The following SLC38A1 variants were observed in gnomAD, a reference collection of about 807,000 sequenced individuals.
SLC38A1 encodes sodium-coupled neutral amino acid symporter 1.
SLC38A1 carries 18 observed loss-of-function variants against 60.3 expected under a neutral mutation model. That is an observed-to-expected ratio of 0.30 (90% CI 0.21 to 0.44). The LOEUF is 0.44. SLC38A1 is among the 20% of genes least tolerant of loss of function. The pLI, the probability that SLC38A1 is intolerant of heterozygous loss-of-function variation, is 1.00. For missense variants in SLC38A1, 448 were observed against 587.2 expected, an observed-to-expected ratio of 0.76 and a Z score of 2.45; for synonymous variants, 196 against 212.1, an observed-to-expected ratio of 0.92 and a Z score of 0.66.
In SLC38A1 at chr12:46,204,352, A is replaced by G. The variant is rs1939795751; in HGVS notation, c.771T>C (p.Asn257=). The change falls in exon 11 of 17, where the codon AAT becomes AAC. Residue 257 remains asparagine, a synonymous_variant. Coordinates refer to ENST00000398637, the MANE Select transcript of SLC38A1 (RefSeq NM_030674.4). ...VPELNSTISA[N]STNADTCTPK... is the part of the protein sequence containing the mutation. ...GCGTACACGTGTCAGCATTTGTTGA[A>G]TTAGCACTTATTGTTGAATTTAGCT... The G allele has an allele frequency of 6.2e-7, 1 of 1,613,690 alleles. No individual in the cohort carries two copies. Among genetic ancestry groups the G allele is most frequent in the Admixed American group, 1.7e-5 (1 of 60,002 alleles).
chr12:46,210,686 T>C (rs1453396299), intron 5 of SLC38A1, among the ~76,000 whole-genome samples: 1 of 152,140 alleles, frequency 6.6e-6, no homozygotes. Flanking sequence ...ATAAGTCTCA[T>C]AAGATCTGAT....
intron 5 of SLC38A1, among the ~76,000 whole-genome samples, chr12:46,227,872 G>A (rs892174163): frequency 6.6e-5 from 10 of 152,074 alleles, no homozygotes; most frequent in African/African-American, 2.4e-4. Context: ...TGGGAGTAGC[G>A]CTCAGGTGTC....
intron 3 of SLC38A1, among the ~76,000 whole-genome samples, chr12:46,233,919 T>A (rs899403351): frequency 2.2e-4 from 33 of 152,216 alleles, no homozygotes; most frequent in African/African-American, 8.0e-4. Context: ...TTTGCCTCAA[T>A]GTTCCAATCT....
At chr12:46,213,141 T>C (rs951684771) in intron 5 of SLC38A1, among the ~76,000 whole-genome samples, 2 of 152,206 alleles carry the variant, frequency 1.3e-5, no homozygotes, top group Admixed American at 1.3e-4. Context: ...TGCTATAACA[T>C]CAGATTTGGT....
At chr12:46,265,910 T>C (rs1942335508) in intron 1 of SLC38A1, among the ~76,000 whole-genome samples, 1 of 152,034 alleles carries the variant, frequency 6.6e-6, no homozygotes, top group Non-Finnish European at 1.5e-5. Flanking sequence ...TCTCCAAGTC[T>C]AGGTAAGGTG....
At chr12:46,254,483 T>C (rs1941958483) in intron 1 of SLC38A1, among the ~76,000 whole-genome samples, 1 of 152,250 alleles carries the variant, frequency 6.6e-6, no homozygotes, top group African/African-American at 2.4e-5. Context: ...CCTTTTGTAA[T>C]TTCGCTTTGA....
chr12:46,249,575 T>C (rs964195446), intron 1 of SLC38A1, among the ~76,000 whole-genome samples: 1 of 152,028 alleles, frequency 6.6e-6, no homozygotes, highest in African/African-American at 2.4e-5. Flanking sequence ...ATCATCACAA[T>C]TGATAGACCA....
At chr12:46,189,209 C>G (rs1310444493) in intron 16 of SLC38A1, 138 bp from the exon 17 acceptor site, 2 of 592,224 alleles carry the variant, frequency 3.4e-6, no homozygotes, top group Non-Finnish European at 6.0e-6. Flanking sequence ...CATGGCTGAA[C>G]TGTGAGAATC....
intron 1 of SLC38A1, among the ~76,000 whole-genome samples, chr12:46,256,058 T>C (rs1942009808): frequency 6.7e-6 from 1 of 150,194 alleles, no homozygotes; most frequent in Admixed American, 6.7e-5. Flanking sequence ...TCCAGCTACT[T>C]GGGAGGCTGA....
chr12:46,223,300 A>G (rs1373538909), intron 5 of SLC38A1, among the ~76,000 whole-genome samples: 1 of 152,192 alleles, frequency 6.6e-6, no homozygotes, highest in African/African-American at 2.4e-5. Context: ...GGGGATTAAG[A>G]TAGTGTAGCA....
At chr12:46,229,084 C>G in intron 5 of SLC38A1, 69 bp downstream of exon 5, 1 of 811,762 alleles carries the variant, frequency 1.2e-6, no homozygotes, top group Non-Finnish European at 2.0e-6. Flanking sequence ...CACATTTCTT[C>G]TATGTAATAA....
At chr12:46,219,918 G>A (rs1283370553) in intron 5 of SLC38A1, among the ~76,000 whole-genome samples, 2 of 152,246 alleles carry the variant, frequency 1.3e-5, no homozygotes, top group Admixed American at 6.5e-5. Context: ...AGGACTGAGT[G>A]AACTCAGGGT....
intron 10 of SLC38A1, 39 bp from the exon 11 acceptor site, chr12:46,204,456 A>G: frequency 1.3e-6 from 2 of 1,591,670 alleles, no homozygotes; most frequent in Non-Finnish European, 1.7e-6. Context: ...TATGGACTTT[A>G]GTAAAGCCAA....
intron 1 of SLC38A1, among the ~76,000 whole-genome samples, chr12:46,255,222 C>A (rs1030010333): frequency 3.3e-5 from 5 of 152,186 alleles, no homozygotes; most frequent in African/African-American, 7.2e-5. Flanking sequence ...ATAACAAAAT[C>A]TTTTAGGACA....
chr12:46,216,032 T>C (rs932869109), intron 5 of SLC38A1, among the ~76,000 whole-genome samples: 1 of 152,078 alleles, frequency 6.6e-6, no homozygotes, highest in Non-Finnish European at 1.5e-5. Context: ...AATGCATCGG[T>C]TCTGGGCTAG....
intron 1 of SLC38A1, among the ~76,000 whole-genome samples, chr12:46,253,903 C>T (rs181766308): frequency 2.6e-4 from 39 of 152,184 alleles, no homozygotes; most frequent in African/African-American, 6.7e-4. Flanking sequence ...GGTAGAGACG[C>T]GCTCAGTCAG....
chr12:46,239,498 T>C, intron 3 of SLC38A1, 181 bp downstream of exon 3: 1 of 516,660 alleles, frequency 1.9e-6, no homozygotes, highest in Non-Finnish European at 3.4e-6. Flanking sequence ...TAATTTTTTG[T>C]ATTTTTAGTA....
intron 5 of SLC38A1, among the ~76,000 whole-genome samples, chr12:46,210,170 C>A (rs1354133403): frequency 6.6e-6 from 1 of 152,176 alleles, no homozygotes; most frequent in South Asian, 2.1e-4. Context: ...TGCTCTAGGC[C>A]CCAGCTCAGA....
chr12:46,188,734 T>C lies in SLC38A1; in HGVS notation c.*236A>G. On this transcript the variant is annotated 3_prime_UTR_variant, in exon 17 of 17. Coordinates refer to ENST00000398637, the MANE Select transcript of SLC38A1 (RefSeq NM_030674.4). ...TTGTGAAAAGTACTGGGAAATATGA[T>C]TGTATGAAATTTGAAAAAAAAATTT... 1 of 407,170 alleles carries C rather than the reference T, an allele frequency of 2.5e-6. No individual in the cohort carries two copies. The highest frequency in any genetic ancestry group is 3.7e-5 in the Admixed American group (1 of 26,950). 25.2% of individuals were successfully genotyped at this position (407,170 alleles called of 1,614,324 possible).
Sources: gnomAD v4.1 joint callset for allele counts (sites outside exome capture counted in the v4.1 genomes callset) on GRCh38, gnomAD v4.1.1 for gene constraint, MANE v1.5 for transcripts, NCBI Gene and HGNC (gene_info 2026-07-23, HGNC 2026-07-21) for gene names.